SMARCAD1: variants seen among roughly 807,000 people sequenced by gnomAD.
SMARCAD1 encodes SWI/SNF-related matrix-associated actin-dependent regulator of chromatin subfamily A containing DEAD/H box 1.
A neutral mutation model predicts 127.1 loss-of-function variants in SMARCAD1; 25 were observed. The observed-to-expected ratio is 0.20, with a 90% CI of 0.14 to 0.27. The LOEUF (loss-of-function observed/expected upper bound fraction) is 0.27, where lower values mean the gene tolerates loss of function less well. Ranked by LOEUF, SMARCAD1 falls within the 10% of genes least tolerant of loss-of-function variation. SMARCAD1 has a pLI of 1.00. For missense variants in SMARCAD1, 807 were observed against 1,206.0 expected (o/e 0.67, Z 4.90); for synonymous variants, 400 against 396.9 (o/e 1.01, Z -0.09).
chr4:94,252,135 C>T (rs1749375745), intron 8 of SMARCAD1, among the ~76,000 whole-genome samples: 1 of 152,222 alleles, frequency 6.6e-6, no homozygotes, highest in Non-Finnish European at 1.5e-5. Context: ...CAGGCGTGAG[C>T]CACCATGCCC....
intron 2 of SMARCAD1, among the ~76,000 whole-genome samples, chr4:94,214,751 G>A (rs1044248107): frequency 2.0e-5 from 3 of 152,082 alleles, no homozygotes; most frequent in Non-Finnish European, 4.4e-5. Context: ...TGGGTTCATA[G>A]ATTATTTTGG....
chr4:94,277,129 T>C lies in SMARCAD1; in HGVS notation c.2052T>C (p.Ser684=), dbSNP rs1560564525. 7.4e-6 allele frequency: 12 copies of C among 1,614,062 alleles called. No individual in the cohort carries two copies. Among genetic ancestry groups the C allele is most frequent in the Non-Finnish European group, 1.0e-5 (12 of 1,179,948 alleles). The change falls in exon 16 of 24, where the codon AGT becomes AGC. Residue 684 remains serine, a synonymous_variant. Transcript: ENST00000354268. ...VMPHMFSSST[S]EIRRMFSSKT... ...CACACATGTTTAGTAGTAGCACCAG[T>C]GAAATACGAAGAATGTTTTCCTCTA...
At chr4:94,219,743 C>T (rs1254328837) in intron 2 of SMARCAD1, among the ~76,000 whole-genome samples, 2 of 152,140 alleles carry the variant, frequency 1.3e-5, no homozygotes, top group African/African-American at 2.4e-5. Flanking sequence ...GCTGTTTTCC[C>T]TCCTGTTCAT....
chr4:94,244,848 T>G (rs1346363142), intron 6 of SMARCAD1, among the ~76,000 whole-genome samples: 1 of 152,174 alleles, frequency 6.6e-6, no homozygotes, highest in Non-Finnish European at 1.5e-5. Context: ...ACATTCTTCC[T>G]TTTGCCTCCA....
intron 3 of SMARCAD1, among the ~76,000 whole-genome samples, chr4:94,230,449 C>T (rs1426910178): frequency 2.0e-5 from 3 of 151,984 alleles, no homozygotes; most frequent in Non-Finnish European, 4.4e-5. Flanking sequence ...TGTGAACATT[C>T]CTTATTTTAT....
intron 9 of SMARCAD1, among the ~76,000 whole-genome samples, chr4:94,259,230 A>T (rs1364827318): frequency 6.6e-6 from 1 of 152,204 alleles, no homozygotes; most frequent in Non-Finnish European, 1.5e-5. Context: ...AGTTAGAAGA[A>T]TCCTTAATTT....
At chr4:94,237,377 A>AT (rs1746829854) in intron 5 of SMARCAD1, among the ~76,000 whole-genome samples, 1 of 151,866 alleles carries the variant, frequency 6.6e-6, no homozygotes, top group South Asian at 2.1e-4. Flanking sequence ...TTTAGTAAAT[A>AT]TTTTTTCATG....
intron 4 of SMARCAD1, among the ~76,000 whole-genome samples, chr4:94,235,384 A>G (rs1746492377): frequency 6.6e-6 from 1 of 151,882 alleles, no homozygotes; most frequent in South Asian, 2.1e-4. Context: ...AATGCTAACT[A>G]ATTTAAAGAA....
At chr4:94,228,708 T>C (rs1745388516) in intron 3 of SMARCAD1, among the ~76,000 whole-genome samples, 1 of 152,050 alleles carries the variant, frequency 6.6e-6, no homozygotes, top group African/African-American at 2.4e-5. Context: ...TAGTTCCTTA[T>C]GTTGTCATGG....
chr4:94,245,827 A>G (rs2125899162), intron 6 of SMARCAD1, among the ~76,000 whole-genome samples: 1 of 152,300 alleles, frequency 6.6e-6, no homozygotes, highest in South Asian at 2.1e-4. Flanking sequence ...AAAGGCTGCA[A>G]TTTTTAACAA....
intron 5 of SMARCAD1, among the ~76,000 whole-genome samples, chr4:94,237,286 A>G (rs1267484114): frequency 6.6e-6 from 1 of 152,052 alleles, no homozygotes; most frequent in Non-Finnish European, 1.5e-5. Context: ...TTCTAGTTGC[A>G]TTGTGGTTTT....
chr4:94,226,329 T>A (rs1744981636), intron 3 of SMARCAD1, 33 bp downstream of exon 3: 3 of 1,571,472 alleles, frequency 1.9e-6, no homozygotes, highest in Non-Finnish European at 1.7e-6. Flanking sequence ...TGTATTTGCA[T>A]GTGTGTGAGA....
intron 16 of SMARCAD1, among the ~76,000 whole-genome samples, chr4:94,278,167 A>T (rs374791340): frequency 6.6e-6 from 1 of 152,164 alleles, no homozygotes; most frequent in African/African-American, 2.4e-5. Context: ...CTGAACACCC[A>T]TCTGGTACAG....
At chr4:94,252,340 T>TA (rs1468782188) in intron 8 of SMARCAD1, among the ~76,000 whole-genome samples, 7 of 152,208 alleles carry the variant, frequency 4.6e-5, no homozygotes, top group Admixed American at 3.9e-4. Flanking sequence ...ATCATACAGA[T>TA]ACGCAGCTGC....
chr4:94,234,216 T>C, intron 4 of SMARCAD1, 94 bp downstream of exon 4: 1 of 1,135,786 alleles, frequency 8.8e-7, no homozygotes, highest in Non-Finnish European at 1.3e-6. Context: ...TTTCTAAAGA[T>C]ATCTTACGTT....
chr4:94,286,320 A>G (rs1363090185), intron 23 of SMARCAD1, among the ~76,000 whole-genome samples: 2 of 152,198 alleles, frequency 1.3e-5, no homozygotes, highest in African/African-American at 4.8e-5. Flanking sequence ...TTCTCCAAAG[A>G]GAATAAACCT....
At chr4:94,228,332 C>G (rs142602472) in intron 3 of SMARCAD1, among the ~76,000 whole-genome samples, 1 of 152,284 alleles carries the variant, frequency 6.6e-6, no homozygotes, top group African/African-American at 2.4e-5. Flanking sequence ...TGCATTATCA[C>G]TCTTCGTAAA....
chr4:94,233,104 A>G (rs1040636755), intron 3 of SMARCAD1, among the ~76,000 whole-genome samples: 3 of 152,248 alleles, frequency 2.0e-5, no homozygotes, highest in Admixed American at 1.3e-4. Context: ...GAAATTGCAT[A>G]TTCTAGATAT....
At chr4:94,268,261 A>C (rs1431639616) in intron 10 of SMARCAD1, among the ~76,000 whole-genome samples, 1 of 152,188 alleles carries the variant, frequency 6.6e-6, no homozygotes, top group Non-Finnish European at 1.5e-5. Flanking sequence ...TAGTTTTTTA[A>C]ATTTCCTCAT....
Sources: allele counts gnomAD v4.1 joint callset (sites outside exome capture counted in the v4.1 genomes callset), GRCh38; gene constraint gnomAD v4.1.1; transcripts MANE v1.5; gene names NCBI Gene and HGNC (gene_info 2026-07-23, HGNC 2026-07-21).